The following TASOR variants were observed in gnomAD, a reference collection of about 807,000 sequenced individuals.
TASOR encodes the protein transcription activation suppressor.
A neutral mutation model predicts 178.6 loss-of-function variants in TASOR; 53 were observed. That is an observed-to-expected ratio of 0.30 (90% CI 0.24 to 0.37). The LOEUF is 0.37. Among genes scored for constraint, TASOR ranks in the 10% least tolerant of loss-of-function variants. The pLI, the probability that TASOR is intolerant of heterozygous loss-of-function variation, is 1.00. For missense variants in TASOR, 1,815 were observed against 1,971.4 expected, an observed-to-expected ratio of 0.92 and a Z score of 1.50; for synonymous variants, 713 against 696.2, an observed-to-expected ratio of 1.02 and a Z score of -0.38.
chr3:56,677,513 A>AGGTT (rs1280698569), intron 1 of TASOR, among the ~76,000 whole-genome samples: 1 of 152,232 alleles, frequency 6.6e-6, no homozygotes, highest in Non-Finnish European at 1.5e-5. Flanking sequence ...AGTTGGCCCA[A>AGGTT]GGTTACAGGG....
chr3:56,675,177 AT>A lies in TASOR; in HGVS notation c.332-1453del, dbSNP rs111854641. ...CCCCAACCATTCTACATCCCACTGA[AT>A]TTTTTTTTTTTTTGAGATGGAGTTT... On this transcript the variant is annotated intron_variant, in intron 1 of 23. Coordinates refer to ENST00000683822, the MANE Select transcript of TASOR (RefSeq NM_001365635.2). Among the ~76,000 whole-genome samples, 285 of 138,392 alleles carry A rather than the reference AT, an allele frequency of 2.1e-3. 1 individual carries two copies. Among genetic ancestry groups the A allele is most frequent in the Admixed American group, 4.9e-3 (66 of 13,484 alleles). The allele number at this position is 138,392 out of a possible 152,430, so 90.8% of individuals were successfully genotyped here. A position where few individuals can be genotyped will look rare whatever the true frequency, so the allele number is the denominator to read the frequency against.
At chr3:56,628,347 G>C in intron 19 of TASOR, 145 bp downstream of exon 19, 2 of 706,064 alleles carry the variant, frequency 2.8e-6, no homozygotes, top group Non-Finnish European at 4.6e-6. Context: ...GTACAAACTT[G>C]AATCTCACAA....
At chr3:56,667,656 C>T (rs1043805182) in intron 6 of TASOR, among the ~76,000 whole-genome samples, 3 of 152,056 alleles carry the variant, frequency 2.0e-5, no homozygotes, top group Non-Finnish European at 4.4e-5. Flanking sequence ...GACTCCGTCT[C>T]AAAACAACAA....
chr3:56,661,301 C>G (rs2077589610), intron 9 of TASOR, among the ~76,000 whole-genome samples: 1 of 152,144 alleles, frequency 6.6e-6, no homozygotes, highest in South Asian at 2.1e-4. Flanking sequence ...CATGTGCCAC[C>G]ACGCTAGGGT....
chr3:56,628,668 A>G (rs572441493), intron 18 of TASOR, 54 bp from the exon 19 acceptor site: 3 of 1,211,430 alleles, frequency 2.5e-6, no homozygotes, highest in East Asian at 4.9e-5. Flanking sequence ...GTAAACATCA[A>G]TTTAACACCA....
chr3:56,639,980 T>A lies in TASOR; in HGVS notation c.2764+6A>T, dbSNP rs368252651. 6.2e-7 allele frequency: 1 copy of A among 1,601,244 alleles called. No homozygotes were observed. Among genetic ancestry groups the A allele is most frequent in the Non-Finnish European group, 8.5e-7 (1 of 1,175,186 alleles). On this transcript the variant is annotated splice_donor_region_variant and intron_variant, in intron 16 of 23. Coordinates refer to ENST00000683822, the MANE Select transcript of TASOR (RefSeq NM_001365635.2). ...GCAAACACAAGTCCAAGTATACTTT[T>A]CTTACCTGTAATTGGAATCAGTTTC...
chr3:56,626,553 G>A (rs2076803094), intron 21 of TASOR, among the ~76,000 whole-genome samples: 1 of 152,036 alleles, frequency 6.6e-6, no homozygotes, highest in Non-Finnish European at 1.5e-5. Context: ...GACCAGCCGG[G>A]CCAACACGGT....
At chr3:56,648,155 T>G in intron 13 of TASOR, among the ~76,000 whole-genome samples, 1 of 150,456 alleles carries the variant, frequency 6.6e-6, no homozygotes, top group Admixed American at 6.6e-5. Context: ...AGGCTGTATG[T>G]AGTGAGCCAT....
chr3:56,679,577 G>C (rs2031613431), intron 1 of TASOR, among the ~76,000 whole-genome samples: 1 of 152,188 alleles, frequency 6.6e-6, no homozygotes, highest in Non-Finnish European at 1.5e-5. Context: ...AGGAGAATTA[G>C]CCATTACTTC....
In TASOR at chr3:56,660,748, G is replaced by T. The variant is rs140799610; in HGVS notation, c.1351C>A (p.Leu451Ile). The change falls in exon 11 of 24, where the codon CTA (leucine) becomes ATA (isoleucine). Residue 451 changes from leucine (L) to isoleucine (I), a missense_variant. Physicochemically the swap from Leu to Ile is conservative, Grantham distance 5. Around this residue, in one of 5 missense-constraint regions of TASOR, gnomAD observed 504 missense variants for 645.3 expected, o/e 0.78. Coordinates refer to ENST00000683822, the MANE Select transcript of TASOR (RefSeq NM_001365635.2). ...TCACTCACAAGTTTTTCTCTGTCTAGTTTTTGCAGTAAACTCTCCATGTTA... is the reference window on the plus strand; with the variant it reads ...TCACTCACAAGTTTTTCTCTGTCTATTTTTTGCAGTAAACTCTCCATGTTA... ...GSNMESLLQK[L>I]DREKLVLVKP... 9 of 1,613,154 alleles carry T rather than the reference G, an allele frequency of 5.6e-6. No homozygotes were observed. Among genetic ancestry groups the T allele is most frequent in the Non-Finnish European group, 6.8e-6 (8 of 1,179,794 alleles).
chr3:56,626,949 C>G, intron 21 of TASOR, 88 bp downstream of exon 21: 1 of 786,732 alleles, frequency 1.3e-6, no homozygotes, highest in Non-Finnish European at 2.1e-6. Flanking sequence ...AAATGAACAT[C>G]CATAATCTAC....
Position 56,623,092 on chromosome 3 carries a change from G to C in TASOR, c.4958C>G (p.Pro1653Arg), listed in dbSNP as rs911362101. ...TESLDRDKSP[P>R]PLSWGKSDSS... ...ATCACTTTTCCCCCAACTTAAGGGAGGTGGAGATTTATCTCTATCCAAGCT... is the reference window on the plus strand; with the variant it reads ...ATCACTTTTCCCCCAACTTAAGGGACGTGGAGATTTATCTCTATCCAAGCT... Residue 1653 changes from proline (P) to arginine (R), a missense_variant, in exon 24 of 24, where the codon CCT becomes CGT. Coordinates refer to ENST00000683822, the MANE Select transcript of TASOR (RefSeq NM_001365635.2). 3.7e-6 allele frequency: 6 copies of C among 1,609,838 alleles called. No individual in the cohort carries two copies. In the African/African-American group the frequency reaches 6.7e-5, roughly 18 times the overall value.
chr3:56,644,839 G>C (rs573364029), intron 14 of TASOR, among the ~76,000 whole-genome samples: 1 of 152,110 alleles, frequency 6.6e-6, no homozygotes, highest in South Asian at 2.1e-4. Flanking sequence ...AGAACTTTCT[G>C]CAATAATGGA....
chr3:56,626,103 A>AT (rs1219076087), intron 21 of TASOR, among the ~76,000 whole-genome samples: 1 of 152,226 alleles, frequency 6.6e-6, no homozygotes, highest in African/African-American at 2.4e-5. Context: ...GGAAATAATG[A>AT]TTGACACAAT....
intron 14 of TASOR, among the ~76,000 whole-genome samples, chr3:56,642,083 T>G (rs2077136659): frequency 6.6e-6 from 1 of 152,222 alleles, no homozygotes; most frequent in Admixed American, 6.5e-5. Flanking sequence ...GATGAAACAT[T>G]TGTAATTACT....
chr3:56,635,848 G>A (rs2077005076), intron 17 of TASOR, among the ~76,000 whole-genome samples: 1 of 151,986 alleles, frequency 6.6e-6, no homozygotes, highest in Non-Finnish European at 1.5e-5. Flanking sequence ...TACTCCTCAA[G>A]GGTTATAAAT....
chr3:56,659,589 C>T (rs2077549219), intron 11 of TASOR, among the ~76,000 whole-genome samples: 1 of 152,178 alleles, frequency 6.6e-6, no homozygotes, highest in African/African-American at 2.4e-5. Flanking sequence ...CCCGCCATCA[C>T]CCTCTAATGT....
Position 56,660,806 on chromosome 3 carries a change from A to G in TASOR, c.1293T>C (p.Leu431=). ...EVLKNGMYCS[L]YEVVEKTRIG... ...TTCTTGTCTTTTCCACAACTTCATA[A>G]AGGCTGCAATACATTCCATTCTTCA... Residue 431 remains leucine (L), a synonymous_variant, in exon 11 of 24, where the codon CTT becomes CTC. Transcript: ENST00000683822. The G allele has an allele frequency of 6.2e-7, 1 of 1,613,826 alleles. No individual in the cohort carries two copies. Among genetic ancestry groups the G allele is most frequent in the East Asian group, 2.2e-5 (1 of 44,842 alleles).
intron 23 of TASOR, 110 bp downstream of exon 23, chr3:56,624,369 T>TTG: frequency 3.7e-6 from 4 of 1,069,258 alleles, no homozygotes; most frequent in Non-Finnish European, 5.5e-6. Context: ...CTATGGCTGT[T>TTG]TATACTGAGG....
Sources: gnomAD v4.1 joint callset for allele counts (sites outside exome capture counted in the v4.1 genomes callset) on GRCh38, gnomAD v4.1.1 for gene constraint, gnomAD v4.1.1 regional missense constraint, MANE v1.5 for transcripts, NCBI Gene and HGNC (gene_info 2026-07-23, HGNC 2026-07-21) for gene names.